The following USP16 variants were observed in gnomAD, a reference collection of about 807,000 sequenced individuals.
USP16 encodes ubiquitin specific peptidase 16, also known as ubiquitin carboxyl-terminal hydrolase 16.
USP16 carries 77 observed loss-of-function variants against 95.9 expected under a neutral mutation model. The observed-to-expected ratio is 0.80, with a 90% CI of 0.67 to 0.97. The LOEUF (loss-of-function observed/expected upper bound fraction) is 0.97, where lower values mean the gene tolerates loss of function less well. USP16 is among the 50% of genes least tolerant of loss of function. The pLI, the probability that USP16 is intolerant of heterozygous loss-of-function variation, is 0.00. For synonymous variants in USP16, 303 were observed against 318.2 expected, an observed-to-expected ratio of 0.95 and a Z score of 0.51; for missense variants, 943 against 959.9, an observed-to-expected ratio of 0.98 and a Z score of 0.23.
In USP16 at chr21:29,028,695, A is replaced by G. The variant is rs182691085; in HGVS notation, c.61+721A>G. 1.5e-3 allele frequency among the ~76,000 whole-genome samples: 229 copies of G among 152,298 alleles called. 3 individuals carry two copies. Among genetic ancestry groups the G allele is most frequent in the African/African-American group, 5.0e-3 (206 of 41,584 alleles). Reference sequence around the variant, plus strand: ...AAGTGATCCGCTTCCTCAGCATCCCAAAGTGCTGGGATTACAGGCGTGAGC... The same window carrying G: ...AAGTGATCCGCTTCCTCAGCATCCCGAAGTGCTGGGATTACAGGCGTGAGC... On this transcript the variant is annotated intron_variant, in intron 2 of 17. Transcript: ENST00000399976.
chr21:29,035,191 T>C (rs1164624186), intron 4 of USP16, among the ~76,000 whole-genome samples: 3 of 152,176 alleles, frequency 2.0e-5, no homozygotes, highest in African/African-American at 7.2e-5. Context: ...TGTGATATTA[T>C]AAGGCATATA....
intron 4 of USP16, among the ~76,000 whole-genome samples, chr21:29,035,935 A>G (rs2085149350): frequency 6.6e-6 from 1 of 152,160 alleles, no homozygotes; most frequent in South Asian, 2.1e-4. Flanking sequence ...ACCAAAAAAC[A>G]AAACAAACAA....
In USP16 at chr21:29,054,250, TA is replaced by T. The variant is rs1045478388; in HGVS notation, c.*70del. On this transcript the variant is annotated 3_prime_UTR_variant, in exon 18 of 18. Coordinates refer to ENST00000399976, the MANE Select transcript of USP16 (RefSeq NM_006447.3). ...GCTTTTATAATGGCTGAAATAACGA[TA>T]AAAAAAGACTAATTAAAATCATGTT... 3.7e-5 allele frequency: 56 copies of T among 1,532,700 alleles called. No individual in the cohort carries two copies. The highest frequency in any genetic ancestry group is 1.7e-4 in the Middle Eastern group (1 of 5,820). 94.9% of individuals were successfully genotyped at this position (1,532,700 alleles called of 1,614,324 possible).
In USP16 at chr21:29,039,498, G is replaced by T. The variant is rs1360039454; in HGVS notation, c.881G>T (p.Gly294Val). The T allele has an allele frequency of 3.7e-6, 6 of 1,612,994 alleles. No individual in the cohort carries two copies. In the Admixed American group the frequency reaches 1.0e-4, roughly 27 times the overall value. The change falls in exon 9 of 18, where the codon GGC (glycine) becomes GTC (valine). Residue 294 changes from glycine (G) to valine (V), a missense_variant. Gly to Val is a moderately radical substitution (Grantham distance 109). Transcript: ENST00000399976. ...TTCTCTAGAGCAGTGCGGTTTAAAG[G>T]CTATCAGCAGCAAGACAGCCAGGAG... Reference protein sequence around the residue: ...QVCKKAVRFKGYQQQDSQELL... With the variant: ...QVCKKAVRFKVYQQQDSQELL...
chr21:29,050,265 G>A, intron 16 of USP16, 87 bp downstream of exon 16: 1 of 1,171,880 alleles, frequency 8.5e-7, no homozygotes, highest in Non-Finnish European at 1.2e-6. Context: ...ACTTAAGTAT[G>A]AAGTTGATAA....
chr21:29,038,898 C>A, intron 7 of USP16, 128 bp from the exon 8 acceptor site: 4 of 898,376 alleles, frequency 4.5e-6, no homozygotes, highest in Middle Eastern at 3.5e-4. Flanking sequence ...TTTTGATGTA[C>A]ATTTTAAACT....
chr21:29,042,031 C>A lies in USP16; in HGVS notation c.1049C>A (p.Ser350Ter). The change falls in exon 11 of 18, where the codon TCA (serine) becomes TAA (stop). Residue 350 changes from serine (S) to a stop codon, truncating the protein, a stop_gained. Transcript: ENST00000399976. LOFTEE classifies it high-confidence loss of function. ...TCCATAGATTATGAGAAGAAAAAAT[C>A]AATGCCAAGTTTTGTTGACCGCATC... ...NKVKDYEKKK[S>*]MPSFVDRIFG... 1 of 1,612,804 alleles carries A rather than the reference C, an allele frequency of 6.2e-7. No homozygotes were observed. The highest frequency in any genetic ancestry group is 1.1e-5 in the South Asian group (1 of 90,994).
chr21:29,039,510 A>C lies in USP16; in HGVS notation c.893A>C (p.Gln298Pro), dbSNP rs1414203328. 2 of 1,613,426 alleles carry C rather than the reference A, an allele frequency of 1.2e-6. No homozygotes were observed. Residue 298 changes from glutamine to proline, a missense_variant, in exon 9 of 18, where the codon CAA (glutamine) becomes CCA (proline). Physicochemically the swap from Gln to Pro is moderately conservative, Grantham distance 76. Coordinates refer to ENST00000399976, the MANE Select transcript of USP16 (RefSeq NM_006447.3). ...GTGCGGTTTAAAGGCTATCAGCAGC[A>C]AGACAGCCAGGAGCTGCTTCGCTAC... is the stretch of plus-strand genomic sequence containing the variant. ...KAVRFKGYQQQDSQELLRYLL... is the reference protein window; with the variant it reads ...KAVRFKGYQQPDSQELLRYLL...
intron 14 of USP16, among the ~76,000 whole-genome samples, chr21:29,047,963 T>A (rs1039858263): frequency 4.0e-5 from 6 of 150,724 alleles, no homozygotes; most frequent in Admixed American, 6.6e-5. Context: ...TATATATGTG[T>A]GTGTATGTAT....
Position 29,046,792 on chromosome 21 carries a change from A to G in USP16, c.1482A>G (p.Lys494=), listed in dbSNP as rs754754780. The G allele has an allele frequency of 6.2e-7, 1 of 1,614,162 alleles. No individual in the cohort carries two copies. Among genetic ancestry groups the G allele is most frequent in the South Asian group, 1.1e-5 (1 of 91,086 alleles). The change falls in exon 14 of 18, where the codon AAA becomes AAG. Residue 494 remains lysine, a synonymous_variant. Transcript: ENST00000399976. ...EMSLQGEVNI[K]SNHISQEGVM... ...CACTTCAAGGAGAAGTAAATATTAAATCCAACCATATTTCACAAGAGGGTG... is the reference window on the plus strand; with the variant it reads ...CACTTCAAGGAGAAGTAAATATTAAGTCCAACCATATTTCACAAGAGGGTG...
intron 6 of USP16, 64 bp downstream of exon 6, chr21:29,037,527 A>G (rs2085176888): frequency 2.3e-6 from 3 of 1,301,640 alleles, no homozygotes; most frequent in South Asian, 4.2e-5. Context: ...TGCTACTTAC[A>G]TTATTGAGTT....
At chr21:29,035,499 G>A (rs1031871653) in intron 4 of USP16, among the ~76,000 whole-genome samples, 4 of 150,078 alleles carry the variant, frequency 2.7e-5, no homozygotes, top group African/African-American at 4.9e-5. Context: ...TCAGCCTCCC[G>A]AGTAGCTGAG....
At chr21:29,050,263 A>T in intron 16 of USP16, 85 bp downstream of exon 16, 2 of 1,192,520 alleles carry the variant, frequency 1.7e-6, no homozygotes, top group East Asian at 4.8e-5. Context: ...TCACTTAAGT[A>T]TGAAGTTGAT....
intron 10 of USP16, among the ~76,000 whole-genome samples, chr21:29,041,467 A>T (rs2085242114): frequency 6.6e-6 from 1 of 152,204 alleles, no homozygotes; most frequent in African/African-American, 2.4e-5. Context: ...TTCTGGGAGC[A>T]TAGGAAAATA....
intron 2 of USP16, among the ~76,000 whole-genome samples, chr21:29,029,168 C>A (rs2146359262): frequency 6.6e-6 from 1 of 152,352 alleles, no homozygotes; most frequent in South Asian, 2.1e-4. Flanking sequence ...AATCCCAGCA[C>A]TCTGGGAGGC....
At chr21:29,037,522 C>T (rs1015373717) in intron 6 of USP16, 59 bp downstream of exon 6, 35 of 1,289,578 alleles carry the variant, frequency 2.7e-5, no homozygotes, top group East Asian at 6.0e-5. Context: ...GAATCTGCTA[C>T]TTACATTATT....
intron 14 of USP16, among the ~76,000 whole-genome samples, chr21:29,047,847 T>G (rs185787914): frequency 2.8e-4 from 42 of 152,076 alleles, no homozygotes; most frequent in African/African-American, 8.7e-4. Context: ...GTAGAATTGT[T>G]GAAACATTTT....
In USP16 at chr21:29,039,539, T is replaced by C. The variant is rs778348509; in HGVS notation, c.922T>C (p.Leu308=). The C allele has an allele frequency of 6.2e-6, 10 of 1,613,302 alleles. No individual in the cohort carries two copies. Among genetic ancestry groups the C allele is most frequent in the African/African-American group, 2.7e-5 (2 of 75,034 alleles). The change falls in exon 9 of 18, where the codon TTG becomes CTG. Residue 308 remains leucine, a synonymous_variant. Transcript: ENST00000399976. The part of the protein sequence containing the change: ...QDSQELLRYL[L]DGMRAEEHQR... ...CAGCCAGGAGCTGCTTCGCTACTTATTGGATGGGATGAGAGCAGAAGAACA... is the reference window on the plus strand; with the variant it reads ...CAGCCAGGAGCTGCTTCGCTACTTACTGGATGGGATGAGAGCAGAAGAACA...
chr21:29,035,835 C>T (rs1347178235), intron 4 of USP16, among the ~76,000 whole-genome samples: 2 of 152,004 alleles, frequency 1.3e-5, no homozygotes, highest in Non-Finnish European at 2.9e-5. Flanking sequence ...AGGAGAATGG[C>T]ATGAACCAGG....
Sources: gnomAD v4.1 joint callset for allele counts (sites outside exome capture counted in the v4.1 genomes callset) on GRCh38, gnomAD v4.1.1 for gene constraint, MANE v1.5 for transcripts, NCBI Gene and HGNC (gene_info 2026-07-23, HGNC 2026-07-21) for gene names.